The following VAC14 variants were observed in gnomAD, a reference collection of about 807,000 sequenced individuals.
VAC14 encodes VAC14 component of PIKFYVE complex.
VAC14 carries 47 observed loss-of-function variants against 85.3 expected under a neutral mutation model. That is an observed-to-expected ratio of 0.55 (90% CI 0.44 to 0.70). The LOEUF (loss-of-function observed/expected upper bound fraction) is 0.70. Ranked by LOEUF, VAC14 falls within the 30% of genes least tolerant of loss-of-function variation. The pLI is 0.00. For synonymous variants in VAC14, 447 were observed against 430.5 expected, an observed-to-expected ratio of 1.04 and a Z score of -0.47; for missense variants, 861 against 1,004.3, an observed-to-expected ratio of 0.86 and a Z score of 1.93.
intron 12 of VAC14, among the ~76,000 whole-genome samples, chr16:70,761,834 C>G (rs886167676): frequency 6.6e-6 from 1 of 152,216 alleles, no homozygotes; most frequent in Non-Finnish European, 1.5e-5. Context: ...GTAACACAAC[C>G]AACGCTAACT....
chr16:70,701,010 C>T (rs945229594), intron 14 of VAC14, among the ~76,000 whole-genome samples: 4 of 152,162 alleles, frequency 2.6e-5, no homozygotes, highest in African/African-American at 7.2e-5. Flanking sequence ...TGAGGAGAAG[C>T]GGGCACCCAG....
Position 70,801,091 on chromosome 16 carries a change from C to A in VAC14, c.-191G>T, listed in dbSNP as rs763191703. On this transcript the variant is annotated 5_prime_UTR_variant, in exon 1 of 19. The change creates a new upstream start codon in the 5' untranslated region. Coordinates refer to ENST00000261776, the MANE Select transcript of VAC14 (RefSeq NM_018052.5). ...GGACCCCGCTCCAGCACACCTGACC[C>A]TGGCCGCTTAACAACTCCCGCCCGG... 163 of 453,780 alleles carry A rather than the reference C, an allele frequency of 3.6e-4. No individual in the cohort carries two copies. The highest frequency in any genetic ancestry group is 3.8e-4 in the Non-Finnish European group (98 of 259,912). 28.1% of individuals were successfully genotyped at this position (453,780 alleles called of 1,614,324 possible).
At position 70,731,566 on chromosome 16, in the gene VAC14, G is replaced by C; in HGVS notation, c.1590C>G (p.Phe530Leu). ...TPTMNSYFYK[F>L]MINLLKRFSS... ...TGAATCTCTTGAGAAGGTTGATCAT[G>C]AACTTATAAAAGTAAGAATTCATGG... Residue 530 changes from phenylalanine to leucine, a missense_variant, in exon 14 of 19, where the codon TTC becomes TTG. Phe to Leu is a conservative substitution (Grantham distance 22). Around this residue, in one of 3 missense-constraint regions of VAC14, gnomAD observed 629 missense variants for 703.1 expected, o/e 0.89. Transcript: ENST00000261776. The C allele has an allele frequency of 3.1e-6, 5 of 1,614,166 alleles. No homozygotes were observed. The highest frequency in any genetic ancestry group is 4.2e-6 in the Non-Finnish European group (5 of 1,180,026).
intron 9 of VAC14, among the ~76,000 whole-genome samples, chr16:70,777,844 A>T (rs552637471): frequency 6.6e-6 from 1 of 152,328 alleles, no homozygotes; most frequent in South Asian, 2.1e-4. Flanking sequence ...GGTGGACCAG[A>T]GTGGGAACAG....
intron 1 of VAC14, 75 bp downstream of exon 1, chr16:70,800,722 A>G: frequency 2.3e-6 from 3 of 1,307,048 alleles, no homozygotes; most frequent in Non-Finnish European, 2.2e-6. Flanking sequence ...CTGGCTGGGA[A>G]GGCGTGAGAA....
At chr16:70,696,913 C>T (rs1476692268) in intron 16 of VAC14, 2 of 477,560 alleles carry the variant, frequency 4.2e-6, no homozygotes, top group South Asian at 2.0e-5. Context: ...TTCTCCCGGG[C>T]CAGCTCCCCC....
chr16:70,693,319 C>G (rs1000684722), intron 17 of VAC14, among the ~76,000 whole-genome samples: 1 of 152,246 alleles, frequency 6.6e-6, no homozygotes. Context: ...TTCCCGCCCC[C>G]CGCTCAGCTG....
intron 1 of VAC14, among the ~76,000 whole-genome samples, chr16:70,795,349 C>T (rs564209371): frequency 4.6e-5 from 7 of 152,058 alleles, no homozygotes; most frequent in African/African-American, 1.7e-4. Flanking sequence ...AAAAAATTAG[C>T]CGGGCGTTGT....
At chr16:70,728,093 G>A (rs1334373512) in intron 14 of VAC14, among the ~76,000 whole-genome samples, 1 of 152,200 alleles carries the variant, frequency 6.6e-6, no homozygotes, top group African/African-American at 2.4e-5. Context: ...GGATGCCAAT[G>A]GCTAAGAGAC....
intron 18 of VAC14, chr16:70,691,313 G>C: frequency 1.0e-6 from 1 of 985,442 alleles, no homozygotes; most frequent in East Asian, 1.1e-4. Context: ...AGGGAGACTG[G>C]AGGTCACAGG....
At chr16:70,756,341 G>A (rs894645107) in intron 12 of VAC14, among the ~76,000 whole-genome samples, 5 of 152,170 alleles carry the variant, frequency 3.3e-5, no homozygotes, top group African/African-American at 7.2e-5. Context: ...CTGGCAACTC[G>A]GCCTGGCCCC....
At chr16:70,711,357 G>T (rs920498669) in intron 14 of VAC14, among the ~76,000 whole-genome samples, 3 of 152,202 alleles carry the variant, frequency 2.0e-5, no homozygotes, top group Admixed American at 2.0e-4. Context: ...TGGCAGCAGG[G>T]CCTGGCTCGG....
chr16:70,750,154 G>A (rs904751407), intron 12 of VAC14, among the ~76,000 whole-genome samples: 8 of 152,132 alleles, frequency 5.3e-5, no homozygotes, highest in Admixed American at 2.0e-4. Context: ...CTAAAGACAC[G>A]CTTCTAGGCC....
At chr16:70,777,571 G>C (rs1037326936) in intron 9 of VAC14, among the ~76,000 whole-genome samples, 1 of 152,244 alleles carries the variant, frequency 6.6e-6, no homozygotes, top group Non-Finnish European at 1.5e-5. Flanking sequence ...CAGAACCAGG[G>C]AAACGGCACT....
chr16:70,756,383 T>C (rs2031858065), intron 12 of VAC14, among the ~76,000 whole-genome samples: 1 of 152,168 alleles, frequency 6.6e-6, no homozygotes, highest in South Asian at 2.1e-4. Context: ...TCTCTGAACC[T>C]CCTGAGTTTT....
chr16:70,733,609 T>A (rs1220193985), intron 13 of VAC14, among the ~76,000 whole-genome samples: 1 of 152,088 alleles, frequency 6.6e-6, no homozygotes, highest in Admixed American at 6.5e-5. Flanking sequence ...TGCTGAGATC[T>A]GGCTGTTTAA....
At chr16:70,734,123 T>C (rs367832345) in intron 13 of VAC14, among the ~76,000 whole-genome samples, 10 of 150,688 alleles carry the variant, frequency 6.6e-5, no homozygotes, top group East Asian at 3.9e-4. Flanking sequence ...CGCCCAGCCA[T>C]GTATTTTTTT....
chr16:70,702,506 G>T (rs984068586), intron 14 of VAC14, among the ~76,000 whole-genome samples: 2 of 152,264 alleles, frequency 1.3e-5, no homozygotes, highest in African/African-American at 4.8e-5. Flanking sequence ...GCCTGGAGAG[G>T]CTGCTCTGGG....
chr16:70,735,386 C>T (rs145842633), intron 13 of VAC14, among the ~76,000 whole-genome samples: 1 of 129,324 alleles, frequency 7.7e-6, no homozygotes, highest in Non-Finnish European at 1.5e-5. Context: ...GCCCAAAGCA[C>T]AAAACAAGAA....
Sources: allele counts gnomAD v4.1 joint callset (sites outside exome capture counted in the v4.1 genomes callset), GRCh38; gene constraint gnomAD v4.1.1; regional missense constraint gnomAD v4.1.1; transcripts MANE v1.5; gene names NCBI Gene and HGNC (gene_info 2026-07-23, HGNC 2026-07-21).